Variants in MED12L observed in about 807,000 individuals in gnomAD.
MED12L encodes mediator complex subunit 12L.
MED12L carries 60 observed loss-of-function variants against 281.3 expected under a neutral mutation model. The ratio of observed to expected loss-of-function variants is 0.21; its 90% CI spans 0.17 to 0.26. MED12L has a LOEUF of 0.26. MED12L is among the 10% of genes least tolerant of loss of function. The pLI is 1.00. For synonymous variants in MED12L, 974 were observed against 987.2 expected, an observed-to-expected ratio of 0.99 and a Z score of 0.25; for missense variants, 2,146 against 2,680.9, an observed-to-expected ratio of 0.80 and a Z score of 4.41.
chr3:151,377,975 A>G, intron 30 of MED12L, 37 bp from the exon 31 acceptor site: 3 of 1,535,154 alleles, frequency 2.0e-6, no homozygotes, highest in East Asian at 4.7e-5. Context: ...AGGGGAAAGG[A>G]TGCTTTCTCC....
chr3:151,178,713 A>G (rs868799049), intron 11 of MED12L, among the ~76,000 whole-genome samples: 3 of 152,164 alleles, frequency 2.0e-5, no homozygotes, highest in Non-Finnish European at 4.4e-5. Context: ...TAACCAGCTT[A>G]TAGGTTGTAA....
intron 13 of MED12L, among the ~76,000 whole-genome samples, chr3:151,190,036 C>G (rs1381493373): frequency 6.6e-6 from 1 of 152,156 alleles, no homozygotes; most frequent in Non-Finnish European, 1.5e-5. Context: ...CACAGACCCA[C>G]TCAAGCTAGA....
chr3:151,171,490 A>G (rs1721426256), intron 11 of MED12L, among the ~76,000 whole-genome samples: 2 of 152,192 alleles, frequency 1.3e-5, no homozygotes, highest in Non-Finnish European at 2.9e-5. Flanking sequence ...ATCCTGAGTA[A>G]TGAAAAGATG....
Position 151,086,956 on chromosome 3 carries a change from G to T in MED12L, c.30G>T (p.Glu10Asp). MAAFGLLSY[E>D]QRPLKRPRLG... ...CCGCCTTCGGGCTTCTCAGCTATGA[G>T]CAGAGACCGCTGAAGCGCCCCCGGC... is the stretch of plus-strand genomic sequence containing the variant. The change falls in exon 2 of 45, where the codon GAG (glutamate) becomes GAT (aspartate). Residue 10 changes from glutamate (E) to aspartate (D), a missense_variant. Around this residue, in one of 9 missense-constraint regions of MED12L, gnomAD observed 44 missense variants for 39.7 expected, o/e 1.11. Coordinates refer to ENST00000687756, the MANE Select transcript of MED12L (RefSeq NM_001393769.1). 6.2e-7 allele frequency: 1 copy of T among 1,608,794 alleles called. No individual in the cohort carries two copies. The highest frequency in any genetic ancestry group is 8.5e-7 in the Non-Finnish European group (1 of 1,178,302).
chr3:151,230,237 G>C (rs1015949364), intron 16 of MED12L, among the ~76,000 whole-genome samples: 2 of 152,228 alleles, frequency 1.3e-5, no homozygotes, highest in Non-Finnish European at 2.9e-5. Context: ...GCCTCCTAAA[G>C]TGCTGGGATT....
At position 151,242,433 on chromosome 3, in the gene MED12L, C is replaced by G. The variant is rs1368879054; in HGVS notation, c.2250+48767C>G. 2.2e-3 allele frequency among the ~76,000 whole-genome samples: 338 copies of G among 151,312 alleles called. 1 individual carries two copies. Among genetic ancestry groups the G allele is most frequent in the Middle Eastern group, 3.4e-3 (1 of 294 alleles). ...AGCACGCAGCTGGAGATCTGAGAACCGGCAGACTGCCTCCTCAAGTGGGTC... is the reference window on the plus strand; with the variant it reads ...AGCACGCAGCTGGAGATCTGAGAACGGGCAGACTGCCTCCTCAAGTGGGTC... On this transcript the variant is annotated intron_variant, in intron 16 of 44. Transcript: ENST00000687756.
chr3:151,242,186 A>G (rs999593160), intron 16 of MED12L, among the ~76,000 whole-genome samples: 172 of 152,292 alleles, frequency 1.1e-3, no homozygotes, highest in Middle Eastern at 3.4e-3. Context: ...AGGCAGCAAC[A>G]CGGCTGGGGG....
intron 26 of MED12L, among the ~76,000 whole-genome samples, chr3:151,370,060 ATAT>A (rs1755990057): frequency 6.6e-6 from 1 of 152,136 alleles, no homozygotes; most frequent in Non-Finnish European, 1.5e-5. Context: ...AATGATGTTG[ATAT>A]TATTGATAAA....
chr3:151,331,503 C>T (rs1425108256), intron 16 of MED12L, among the ~76,000 whole-genome samples: 2 of 152,188 alleles, frequency 1.3e-5, no homozygotes, highest in Admixed American at 6.5e-5. Context: ...AGTGAACATT[C>T]ACCAGTGCTT....
At chr3:151,151,401 A>G (rs1272448130) in intron 5 of MED12L, among the ~76,000 whole-genome samples, 2 of 152,004 alleles carry the variant, frequency 1.3e-5, no homozygotes, top group Non-Finnish European at 1.5e-5. Flanking sequence ...GCTGTTTGGC[A>G]TAAGAGACCT....
At chr3:151,111,210 T>A (rs1169770668) in intron 2 of MED12L, among the ~76,000 whole-genome samples, 1 of 152,254 alleles carries the variant, frequency 6.6e-6, no homozygotes, top group Non-Finnish European at 1.5e-5. Context: ...AGCTTCAGGT[T>A]ATCACTTTCT....
chr3:151,131,198 CAG>C (rs374700108), intron 5 of MED12L, among the ~76,000 whole-genome samples: 2 of 152,142 alleles, frequency 1.3e-5, no homozygotes, highest in African/African-American at 4.8e-5. Flanking sequence ...ATGTTCTTGT[CAG>C]TGTTTTTCCT....
At chr3:151,293,490 G>A (rs1050467525) in intron 16 of MED12L, among the ~76,000 whole-genome samples, 4 of 151,718 alleles carry the variant, frequency 2.6e-5, no homozygotes, top group South Asian at 4.2e-4. Context: ...GGAGGCAGAA[G>A]CATTTCCACA....
intron 2 of MED12L, among the ~76,000 whole-genome samples, chr3:151,115,327 C>CTTTTTTTTTTTTTTTTTTTTTT: frequency 1.6e-5 from 1 of 60,776 alleles, no homozygotes; most frequent in Non-Finnish European, 3.2e-5. Flanking sequence ...GGAAACAATT[C>CTTTTTTTTTTTTTTTTTTTTTT]TTTTTTTTTT....
At chr3:151,159,769 A>C in intron 7 of MED12L, 63 bp from the exon 8 acceptor site, 1 of 1,470,152 alleles carries the variant, frequency 6.8e-7, no homozygotes. Flanking sequence ...GTCTGTGTTA[A>C]AATAGTTATT....
intron 16 of MED12L, among the ~76,000 whole-genome samples, chr3:151,235,748 G>A (rs1223521336): frequency 6.6e-6 from 1 of 151,912 alleles, no homozygotes; most frequent in Non-Finnish European, 1.5e-5. Flanking sequence ...TTGGGCAGAG[G>A]TCCTTGGAGC....
intron 39 of MED12L, among the ~76,000 whole-genome samples, chr3:151,408,347 C>T (rs1264976840): frequency 6.6e-6 from 1 of 152,218 alleles, no homozygotes; most frequent in African/African-American, 2.4e-5. Flanking sequence ...GAAATACCTA[C>T]ACTACTTTTC....
intron 5 of MED12L, among the ~76,000 whole-genome samples, chr3:151,128,944 C>A (rs1714944030): frequency 6.6e-6 from 1 of 152,166 alleles, no homozygotes; most frequent in Admixed American, 6.5e-5. Context: ...AGTCAGAGTC[C>A]CCACTATGTT....
chr3:151,321,440 TAAA>T (rs1276647331), intron 16 of MED12L, among the ~76,000 whole-genome samples: 1 of 151,868 alleles, frequency 6.6e-6, no homozygotes, highest in Admixed American at 6.6e-5. Context: ...TTAAATAGAA[TAAA>T]AAAAGACTTA....
Sources: allele counts gnomAD v4.1 joint callset (sites outside exome capture counted in the v4.1 genomes callset), GRCh38; gene constraint gnomAD v4.1.1; regional missense constraint gnomAD v4.1.1; transcripts MANE v1.5; gene names NCBI Gene and HGNC (gene_info 2026-07-23, HGNC 2026-07-21).